TTLL11: variants seen among roughly 807,000 people sequenced by gnomAD.
The protein encoded by TTLL11 is tubulin tyrosine ligase like 11, also known as tubulin polyglutamylase TTLL11.
Under a neutral mutation model 51.7 loss-of-function variants are expected in TTLL11, and 42 were observed. That is an observed-to-expected ratio of 0.81 (90% CI 0.64 to 1.05). TTLL11 has a LOEUF of 1.05. Among genes scored for constraint, TTLL11 ranks in the 50% least tolerant of loss-of-function variants. The pLI, the probability that TTLL11 is intolerant of heterozygous loss-of-function variation, is 0.00. For missense variants in TTLL11, 799 were observed against 940.4 expected (o/e 0.85, Z 1.97); for synonymous variants, 381 against 383.5 (o/e 0.99, Z 0.08).
intron 8 of TTLL11, among the ~76,000 whole-genome samples, chr9:121,856,051 T>C (rs1302884804): frequency 6.6e-6 from 1 of 152,196 alleles, no homozygotes; most frequent in Non-Finnish European, 1.5e-5. Flanking sequence ...GACTGGTTTT[T>C]ATTCAAATAC....
intron 8 of TTLL11, among the ~76,000 whole-genome samples, chr9:121,829,446 G>A (rs1417172586): frequency 6.6e-6 from 1 of 152,144 alleles, no homozygotes; most frequent in East Asian, 1.9e-4. Flanking sequence ...AGAGGTAGTG[G>A]TGAAATGGCT....
chr9:121,828,665 A>G (rs909499876), intron 8 of TTLL11, among the ~76,000 whole-genome samples: 7 of 152,186 alleles, frequency 4.6e-5, no homozygotes, highest in Non-Finnish European at 7.3e-5. Flanking sequence ...AGAATATTAT[A>G]ATCAACACTT....
chr9:121,840,422 C>T (rs779780944), intron 8 of TTLL11, among the ~76,000 whole-genome samples: 10 of 152,184 alleles, frequency 6.6e-5, no homozygotes, highest in Non-Finnish European at 1.0e-4. Flanking sequence ...GACAGGGTCT[C>T]GCTTTGTCAC....
chr9:121,833,841 A>G (rs115884600), intron 8 of TTLL11, among the ~76,000 whole-genome samples: 5,772 of 152,264 alleles, frequency 0.038, 252 homozygotes, highest in African/African-American at 0.11. Context: ...TGAATATGAG[A>G]TATTTTCTTC....
At chr9:121,879,912 C>T (rs1000904954) in intron 6 of TTLL11, among the ~76,000 whole-genome samples, 52 of 151,940 alleles carry the variant, frequency 3.4e-4, no homozygotes, top group African/African-American at 1.2e-3. Flanking sequence ...TGCAGTGAGC[C>T]GTGAGCTGTG....
At chr9:122,088,153 T>C (rs1279676650) in intron 1 of TTLL11, among the ~76,000 whole-genome samples, 2 of 152,206 alleles carry the variant, frequency 1.3e-5, no homozygotes, top group Non-Finnish European at 2.9e-5. Context: ...GGCATGGCCT[T>C]CACCATGCTC....
chr9:121,833,639 A>C (rs980251584), intron 8 of TTLL11, among the ~76,000 whole-genome samples: 6 of 152,132 alleles, frequency 3.9e-5, no homozygotes, highest in African/African-American at 1.4e-4. Flanking sequence ...GTGGCTTGTC[A>C]AGGTCATCGT....
At chr9:121,892,369 T>TG (rs796882769) in intron 6 of TTLL11, among the ~76,000 whole-genome samples, 33 of 151,936 alleles carry the variant, frequency 2.2e-4, no homozygotes, top group African/African-American at 6.0e-4. Context: ...CAATTCCACA[T>TG]GGGGGGGTGC....
chr9:122,074,002 G>C (rs1588259085), intron 1 of TTLL11, among the ~76,000 whole-genome samples: 1 of 152,300 alleles, frequency 6.6e-6, no homozygotes, highest in African/African-American at 2.4e-5. Context: ...GCCGGGCGCA[G>C]TGGCTTACAC....
intron 8 of TTLL11, among the ~76,000 whole-genome samples, chr9:121,838,125 C>T (rs1837232389): frequency 6.6e-6 from 1 of 152,178 alleles, no homozygotes; most frequent in Admixed American, 6.5e-5. Flanking sequence ...ATCGCATTAG[C>T]CTGTTAAAAA....
At chr9:122,062,659 G>C (rs1476583205) in intron 1 of TTLL11, among the ~76,000 whole-genome samples, 1 of 150,014 alleles carries the variant, frequency 6.7e-6, no homozygotes, top group Non-Finnish European at 1.5e-5. Context: ...AGTAGAGATG[G>C]GGTTTCACCA....
At position 121,821,673 on chromosome 9, in the gene TTLL11, C is replaced by A. The variant is rs116855982; in HGVS notation, c.*914G>T. 1.0e-3 allele frequency among the ~76,000 whole-genome samples: 157 copies of A among 152,254 alleles called. No homozygotes were observed. Among genetic ancestry groups the A allele is most frequent in the Non-Finnish European group, 1.8e-3 (123 of 68,010 alleles). On this transcript the variant is annotated 3_prime_UTR_variant, in exon 9 of 9. Coordinates refer to ENST00000321582, the MANE Select transcript of TTLL11 (RefSeq NM_001139442.2). This position sits in a 1 kb window ranked among gnomAD's most constrained non-coding sequence, Gnocchi z 5.0. ...TGGAAGACAGTGTGAGCTCCCCTGA[C>A]CCTGGCACCAGGTCTGACATACACT...
chr9:122,083,521 A>G (rs1846048738), intron 1 of TTLL11, among the ~76,000 whole-genome samples: 1 of 152,180 alleles, frequency 6.6e-6, no homozygotes, highest in East Asian at 1.9e-4. Context: ...AGAATAAGAA[A>G]AAAATCTGGG....
At chr9:121,915,990 TACACACACACACACACACACAC>T (rs59554930) in intron 6 of TTLL11, among the ~76,000 whole-genome samples, 5 of 134,252 alleles carry the variant, frequency 3.7e-5, no homozygotes, top group African/African-American at 1.5e-4. Flanking sequence ...GACACACACA[TACACACACACACACACACACAC>T]ACACACACAC....
chr9:121,977,964 C>T (rs988733954), intron 4 of TTLL11, among the ~76,000 whole-genome samples: 3 of 152,104 alleles, frequency 2.0e-5, no homozygotes, highest in Non-Finnish European at 4.4e-5. Context: ...CGTGAGCCAC[C>T]GCGTCCGGCC....
intron 8 of TTLL11, among the ~76,000 whole-genome samples, chr9:121,849,167 G>C (rs560612434): frequency 2.0e-5 from 3 of 152,346 alleles, no homozygotes; most frequent in Non-Finnish European, 4.4e-5. Context: ...TTTTCAACAA[G>C]CTGTGCTGGC....
intron 4 of TTLL11, among the ~76,000 whole-genome samples, chr9:121,985,323 G>A (rs1272779300): frequency 6.6e-6 from 1 of 152,156 alleles, no homozygotes; most frequent in Non-Finnish European, 1.5e-5. Context: ...CAAGGAAGAT[G>A]AGGCACAGAG....
At chr9:121,958,890 A>G (rs1196499639) in intron 6 of TTLL11, among the ~76,000 whole-genome samples, 1 of 152,132 alleles carries the variant, frequency 6.6e-6, no homozygotes, top group African/African-American at 2.4e-5. Flanking sequence ...GGAAGCCTGG[A>G]GAAGCAGGTG....
chr9:122,092,864 C>A lies in TTLL11; in HGVS notation c.285G>T (p.Pro95=). The part of the protein sequence containing the change: ...PPTLPPSKPK[P]VQGLCPHGKP... The stretch of plus-strand genomic sequence containing the variant: ...TCCCGTGCGGGCAGAGGCCCTGCAC[C>A]GGCTTCGGCTTGGACGGGGGCAGCG... The change falls in exon 1 of 9, where the codon CCG becomes CCT. Residue 95 remains proline (P), a synonymous_variant. Coordinates refer to ENST00000321582, the MANE Select transcript of TTLL11 (RefSeq NM_001139442.2). 6.4e-7 allele frequency: 1 copy of A among 1,570,710 alleles called. No individual in the cohort carries two copies. The highest frequency in any genetic ancestry group is 1.2e-5 in the South Asian group (1 of 86,468).
Sources: gnomAD v4.1 joint callset for allele counts (sites outside exome capture counted in the v4.1 genomes callset) on GRCh38, gnomAD v4.1.1 for gene constraint, Gnocchi (gnomAD v3.1) non-coding constraint, MANE v1.5 for transcripts, NCBI Gene and HGNC (gene_info 2026-07-23, HGNC 2026-07-21) for gene names.